NR6A1: variants seen among roughly 807,000 people sequenced by gnomAD.
NR6A1 encodes retinoic acid receptor-related testis-associated receptor.
A neutral mutation model predicts 59.1 loss-of-function variants in NR6A1; 7 were observed. The observed-to-expected ratio is 0.12, with a 90% CI of 0.07 to 0.22. NR6A1 has a LOEUF of 0.22. Ranked by LOEUF, NR6A1 falls within the 10% of genes least tolerant of loss-of-function variation. The pLI, the probability that NR6A1 is intolerant of heterozygous loss-of-function variation, is 1.00. For missense variants in NR6A1, 468 were observed against 611.6 expected, an observed-to-expected ratio of 0.77 and a Z score of 2.48; for synonymous variants, 243 against 236.1, an observed-to-expected ratio of 1.03 and a Z score of -0.27.
At chr9:124,639,121 C>T (rs1463796734) in intron 2 of NR6A1, among the ~76,000 whole-genome samples, 1 of 152,126 alleles carries the variant, frequency 6.6e-6, no homozygotes, top group Non-Finnish European at 1.5e-5. Flanking sequence ...CTCTATGGAA[C>T]AAGTACTATT....
At chr9:124,706,359 ATGGATTTGAGTTACCATC>A (rs1839132784) in intron 2 of NR6A1, among the ~76,000 whole-genome samples, 1 of 152,198 alleles carries the variant, frequency 6.6e-6, no homozygotes, top group African/African-American at 2.4e-5. Context: ...ATTTCTTCTT[ATGGATTTGAGTTACCATC>A]TGGTATCACT....
chr9:124,673,774 C>T (rs1336129445), intron 2 of NR6A1, among the ~76,000 whole-genome samples: 1 of 152,126 alleles, frequency 6.6e-6, no homozygotes, highest in African/African-American at 2.4e-5. Context: ...TCATCTCCGA[C>T]ACCTATCAAA....
chr9:124,755,494 C>T (rs763141425), intron 1 of NR6A1, among the ~76,000 whole-genome samples: 44 of 152,176 alleles, frequency 2.9e-4, no homozygotes, highest in Non-Finnish European at 5.1e-4. Context: ...CTTGCTCAAA[C>T]TATCTGCTTT....
In NR6A1 at chr9:124,584,781, A is replaced by G. The variant is rs79066998; in HGVS notation, c.143-30211T>C. Among the ~76,000 whole-genome samples, 29 of 152,254 alleles carry G rather than the reference A, an allele frequency of 1.9e-4. No homozygotes were observed. The East Asian group carries it at 5.4e-3, about 28-fold the overall frequency. ...AAATTAGGCCAGTTAATAACCCTAGAAAGGCCTCTATGTGTTCAAGTGAAA... is the reference window on the plus strand; with the variant it reads ...AAATTAGGCCAGTTAATAACCCTAGGAAGGCCTCTATGTGTTCAAGTGAAA... On this transcript the variant is annotated intron_variant, in intron 2 of 9. Coordinates refer to ENST00000487099, the MANE Select transcript of NR6A1 (RefSeq NM_033334.4).
chr9:124,720,960 C>A lies in NR6A1; in HGVS notation c.142+12348G>T, dbSNP rs184353827. On this transcript the variant is annotated intron_variant, in intron 2 of 9. Coordinates refer to ENST00000487099, the MANE Select transcript of NR6A1 (RefSeq NM_033334.4). ...GTTATCAAGCACTGAATTTAAGCAA[C>A]CCCTTTCAGCTTTTTTTTAATAAAA... Among the ~76,000 whole-genome samples the A allele has an allele frequency of 3.9e-3, 591 of 152,220 alleles. 1 individual carries two copies. The highest frequency in any genetic ancestry group is 0.013 in the African/African-American group (553 of 41,528).
chr9:124,566,861 C>T (rs1407342086), intron 2 of NR6A1, among the ~76,000 whole-genome samples: 1 of 152,174 alleles, frequency 6.6e-6, no homozygotes, highest in East Asian at 1.9e-4. Flanking sequence ...GTAATCCCAG[C>T]ACTTTGGGAG....
chr9:124,690,767 C>T (rs187820204), intron 2 of NR6A1, among the ~76,000 whole-genome samples: 1 of 152,226 alleles, frequency 6.6e-6, no homozygotes, highest in Admixed American at 6.5e-5. Flanking sequence ...ATATAAACCC[C>T]TTAGCCAAAC....
chr9:124,524,888 A>C lies in NR6A1; in HGVS notation c.1202-15T>G. 1.3e-6 allele frequency: 2 copies of C among 1,594,230 alleles called. No homozygotes were observed. The highest frequency in any genetic ancestry group is 1.1e-5 in the South Asian group (1 of 87,104). ...ACCCCTGATATCTGTGGAAAAAAAA[A>C]AAACACACACACACATACAGGGAAT... On this transcript the variant is annotated splice_polypyrimidine_tract_variant and intron_variant, in intron 8 of 9. Transcript: ENST00000487099.
intron 4 of NR6A1, among the ~76,000 whole-genome samples, chr9:124,542,899 C>T (rs2131361778): frequency 6.6e-6 from 1 of 152,224 alleles, no homozygotes; most frequent in East Asian, 1.9e-4. Flanking sequence ...ACTAATGTGC[C>T]AAGGGATTCA....
intron 2 of NR6A1, among the ~76,000 whole-genome samples, chr9:124,723,477 A>G (rs1839623171): frequency 6.6e-6 from 1 of 152,298 alleles, no homozygotes; most frequent in South Asian, 2.1e-4. Context: ...CTGTGACTGA[A>G]CTATTTAATT....
chr9:124,770,857 G>A (rs1271432592), intron 1 of NR6A1, among the ~76,000 whole-genome samples, 163 bp downstream of exon 1: 1 of 151,922 alleles, frequency 6.6e-6, no homozygotes, highest in Non-Finnish European at 1.5e-5. Context: ...GGAGGAGAGG[G>A]AGGGTCCGCG....
At chr9:124,721,688 C>T (rs1839570285) in intron 2 of NR6A1, among the ~76,000 whole-genome samples, 1 of 152,164 alleles carries the variant, frequency 6.6e-6, no homozygotes, top group Non-Finnish European at 1.5e-5. Flanking sequence ...TCCAAAACCA[C>T]CCTAATACAC....
chr9:124,554,648 G>T (rs1833877098), intron 2 of NR6A1, 78 bp from the exon 3 acceptor site: 2 of 1,578,750 alleles, frequency 1.3e-6, no homozygotes, highest in Non-Finnish European at 1.7e-6. Flanking sequence ...ACTCTGCTCT[G>T]GGTAGATTAA....
At chr9:124,538,393 G>GTC in intron 5 of NR6A1, 74 bp from the exon 6 acceptor site, 6 of 1,104,270 alleles carry the variant, frequency 5.4e-6, no homozygotes, top group Non-Finnish European at 4.0e-6. Flanking sequence ...GAGCCAGAAG[G>GTC]TGACTTTAGG....
At chr9:124,738,927 G>A (rs1345093017) in intron 1 of NR6A1, among the ~76,000 whole-genome samples, 2 of 151,820 alleles carry the variant, frequency 1.3e-5, no homozygotes, top group South Asian at 2.1e-4. Flanking sequence ...ATTTGAACCC[G>A]GGAGGCGGAG....
chr9:124,638,780 C>G (rs1299756406), intron 2 of NR6A1, among the ~76,000 whole-genome samples: 1 of 152,184 alleles, frequency 6.6e-6, no homozygotes, highest in Non-Finnish European at 1.5e-5. Flanking sequence ...CCTACCTTTC[C>G]TACTTATGCA....
intron 2 of NR6A1, among the ~76,000 whole-genome samples, chr9:124,628,632 C>A (rs976872406): frequency 1.3e-5 from 2 of 151,578 alleles, no homozygotes; most frequent in South Asian, 2.1e-4. Context: ...TGAGCCACCA[C>A]GTCCAGCCTA....
chr9:124,562,215 G>A (rs1383389949), intron 2 of NR6A1, among the ~76,000 whole-genome samples: 1 of 152,168 alleles, frequency 6.6e-6, no homozygotes, highest in African/African-American at 2.4e-5. Context: ...CTATCAAGAA[G>A]AGCTGCACAG....
chr9:124,597,499 C>CA (rs897393218), intron 2 of NR6A1, among the ~76,000 whole-genome samples: 12 of 152,316 alleles, frequency 7.9e-5, no homozygotes, highest in Admixed American at 7.2e-4. Context: ...CTGCACACAA[C>CA]AGAGGTGTAG....
Sources: gnomAD v4.1 joint callset for allele counts (sites outside exome capture counted in the v4.1 genomes callset) on GRCh38, gnomAD v4.1.1 for gene constraint, MANE v1.5 for transcripts, NCBI Gene and HGNC (gene_info 2026-07-23, HGNC 2026-07-21) for gene names.